TNFRSF1B: variants seen among roughly 807,000 people sequenced by gnomAD.
TNFRSF1B encodes tumor necrosis factor receptor superfamily member 1B.
A neutral mutation model predicts 44.6 loss-of-function variants in TNFRSF1B; 19 were observed. The ratio of observed to expected loss-of-function variants is 0.43; its 90% CI spans 0.30 to 0.62. The LOEUF is 0.62. Among genes scored for constraint, TNFRSF1B ranks in the 20% least tolerant of loss-of-function variants. The probability of loss-of-function intolerance (pLI) is 0.16; values close to 1 mark genes in which losing one functional copy is unlikely to be tolerated. For synonymous variants in TNFRSF1B, 252 were observed against 261.1 expected, an observed-to-expected ratio of 0.97 and a Z score of 0.34; for missense variants, 541 against 619.9, an observed-to-expected ratio of 0.87 and a Z score of 1.35.
chr1:12,207,086 G>A lies in TNFRSF1B; in HGVS notation c.*66G>A, dbSNP rs938086908. The A allele has an allele frequency of 1.5e-5, 22 of 1,496,204 alleles. No individual in the cohort carries two copies. Among genetic ancestry groups the A allele is most frequent in the Non-Finnish European group, 1.7e-5 (19 of 1,119,336 alleles). 92.7% of individuals were successfully genotyped at this position (1,496,204 alleles called of 1,614,324 possible). ...GCCCTGGCAGGATGACCCTGCGAAG[G>A]GGCCCTGGTCCTTCCAGGCCCCCAC... is the stretch of plus-strand genomic sequence containing the variant. On this transcript the variant is annotated 3_prime_UTR_variant, in exon 10 of 10. Transcript: ENST00000376259.
rs5745984 is a variant in TNFRSF1B, at chr1:12,180,358, C to T, written c.79-8438C>T. ...GAAGAGCAGAGGGCACCACAGATGCCGTGCTTTCAGCTTTTTCCTTCTCCT... is the reference window on the plus strand; with the variant it reads ...GAAGAGCAGAGGGCACCACAGATGCTGTGCTTTCAGCTTTTTCCTTCTCCT... On this transcript the variant is annotated intron_variant, in intron 1 of 9. Transcript: ENST00000376259. The surrounding 1 kb of genome is among the most constrained non-coding windows in gnomAD (Gnocchi z 4.3). Among the ~76,000 whole-genome samples the T allele has an allele frequency of 4.6e-5, 7 of 152,212 alleles. No individual in the cohort carries two copies. Among genetic ancestry groups the T allele is most frequent in the East Asian group, 1.9e-4 (1 of 5,196 alleles).
intron 1 of TNFRSF1B, among the ~76,000 whole-genome samples, chr1:12,183,740 TCTA>T (rs1557629202): frequency 0.035 from 4,503 of 130,132 alleles, 169 homozygotes; most frequent in Non-Finnish European, 0.051. Flanking sequence ...TATCTATCTA[TCTA>T]TCTATCTAGC....
In TNFRSF1B at chr1:12,199,879, G is replaced by A. The variant is rs1200425001; in HGVS notation, c.901-2088G>A. Reference sequence around the variant, plus strand: ...AGGGCAGCTGTTGGGAATGTGGCCTGTGCCATCTCCTTTTTTGCTGGGATC... The same window carrying A: ...AGGGCAGCTGTTGGGAATGTGGCCTATGCCATCTCCTTTTTTGCTGGGATC... On this transcript the variant is annotated intron_variant, in intron 8 of 9. Coordinates refer to ENST00000376259, the MANE Select transcript of TNFRSF1B (RefSeq NM_001066.3). The surrounding 1 kb of genome is among the most constrained non-coding windows in gnomAD (Gnocchi z 4.0). Among the ~76,000 whole-genome samples the A allele has an allele frequency of 6.6e-6, 1 of 152,206 alleles. No homozygotes were observed. Among genetic ancestry groups the A allele is most frequent in the Non-Finnish European group, 1.5e-5 (1 of 68,040 alleles).
intron 1 of TNFRSF1B, among the ~76,000 whole-genome samples, chr1:12,174,122 TTTCTTCTTC>T (rs541359943): frequency 0.044 from 2,932 of 66,484 alleles, 120 homozygotes; most frequent in South Asian, 0.059. Context: ...TGAGACTCCA[TTTCTTCTTC>T]TTCTTCTTCT....
At chr1:12,183,088 C>T (rs1243518852) in intron 1 of TNFRSF1B, among the ~76,000 whole-genome samples, 1 of 152,246 alleles carries the variant, frequency 6.6e-6, no homozygotes, top group African/African-American at 2.4e-5. Context: ...CTAACACGCA[C>T]AGTTGCCCCT....
chr1:12,188,770 T>C (rs376609863), intron 1 of TNFRSF1B, 26 bp from the exon 2 acceptor site: 6 of 1,609,086 alleles, frequency 3.7e-6, no homozygotes, highest in Non-Finnish European at 5.1e-6. Context: ...GCCCTGTTGA[T>C]GGCAGTCTTC....
rs1360945408 is a variant in TNFRSF1B, at chr1:12,207,639, G to C, written c.*619G>C. 1.2e-4 allele frequency: 19 copies of C among 152,978 alleles called. No individual in the cohort carries two copies. Among genetic ancestry groups the C allele is most frequent in the Admixed American group, 1.2e-3 (19 of 15,306 alleles). The allele number at this position is 152,978 out of a possible 1,614,324, so 9.5% of individuals were successfully genotyped here. A position where few individuals can be genotyped will look rare whatever the true frequency, so the allele number is the denominator to read the frequency against. On this transcript the variant is annotated 3_prime_UTR_variant, in exon 10 of 10. Transcript: ENST00000376259. ...AAAGCATCACCTCAGGCCAGGTGCA[G>C]TGGCTCACGCCTATGATCCCAGCAC...
chr1:12,167,819 G>A (rs1158356706), intron 1 of TNFRSF1B, among the ~76,000 whole-genome samples: 1 of 152,182 alleles, frequency 6.6e-6, no homozygotes. Context: ...CAGGGCAAGC[G>A]AGGGAGGTCT....
intron 3 of TNFRSF1B, 29 bp from the exon 4 acceptor site, chr1:12,191,745 G>T: frequency 6.2e-7 from 1 of 1,611,930 alleles, no homozygotes; most frequent in Non-Finnish European, 8.5e-7. Context: ...AGGCAGGCGT[G>T]ACCGTTTGCC....
At chr1:12,190,440 C>T (rs1277430528) in intron 2 of TNFRSF1B, among the ~76,000 whole-genome samples, 4 of 120,256 alleles carry the variant, frequency 3.3e-5, no homozygotes, top group Non-Finnish European at 4.9e-5. Flanking sequence ...GCCTGGGCCA[C>T]AGAGTGAGAT....
chr1:12,179,068 G>T (rs1638729846), intron 1 of TNFRSF1B, among the ~76,000 whole-genome samples: 1 of 152,064 alleles, frequency 6.6e-6, no homozygotes, highest in African/African-American at 2.4e-5. Context: ...TTAGACTCAG[G>T]GTTCCTTGCA....
chr1:12,205,872 C>T (rs1051448108), intron 9 of TNFRSF1B, among the ~76,000 whole-genome samples: 1 of 152,090 alleles, frequency 6.6e-6, no homozygotes, highest in Admixed American at 6.5e-5. Flanking sequence ...AGGCGATCCA[C>T]CTGCCTTGGC....
chr1:12,178,723 C>T lies in TNFRSF1B; in HGVS notation c.79-10073C>T, dbSNP rs185826303. Among the ~76,000 whole-genome samples, 139 of 152,162 alleles carry T rather than the reference C, an allele frequency of 9.1e-4. No homozygotes were observed. The highest frequency in any genetic ancestry group is 3.2e-3 in the African/African-American group (131 of 41,518). ...CGTTTGGGCAGAGGCAGCAGCAGTA[C>T]GGGCATGGAGAAGGGGGCGGAGGAG... On this transcript the variant is annotated intron_variant, in intron 1 of 9. Coordinates refer to ENST00000376259, the MANE Select transcript of TNFRSF1B (RefSeq NM_001066.3). This position sits in a 1 kb window ranked among gnomAD's most constrained non-coding sequence, Gnocchi z 4.3.
chr1:12,170,876 A>G (rs2101075028), intron 1 of TNFRSF1B, among the ~76,000 whole-genome samples: 1 of 149,734 alleles, frequency 6.7e-6, no homozygotes, highest in East Asian at 2.0e-4. Flanking sequence ...GGGTTTCACC[A>G]TATTGCCCAG....
intron 1 of TNFRSF1B, 140 bp downstream of exon 1, chr1:12,167,309 C>G (rs926089480): frequency 7.9e-5 from 47 of 593,846 alleles, no homozygotes; most frequent in Admixed American, 1.4e-4. Flanking sequence ...CGCCGCCCCC[C>G]ATCCGCATCA....
chr1:12,195,147 C>T (rs1421036940), intron 8 of TNFRSF1B, among the ~76,000 whole-genome samples: 1 of 152,156 alleles, frequency 6.6e-6, no homozygotes, highest in African/African-American at 2.4e-5. Context: ...GGGGCTGGGC[C>T]CTGGGTCCTC....
rs1432145946 is a variant in TNFRSF1B, at chr1:12,192,853, C to T, written c.552-10C>T. ...CTGCTGCCTCCTGACCAAGCCTCCT[C>T]CTCCTCCAGCTGTAACGTGGTGGCC... On this transcript the variant is annotated splice_polypyrimidine_tract_variant and intron_variant, in intron 5 of 9. Transcript: ENST00000376259. The T allele has an allele frequency of 1.2e-6, 2 of 1,610,110 alleles. No homozygotes were observed. The highest frequency in any genetic ancestry group is 1.7e-5 in the Admixed American group (1 of 59,846).
intron 3 of TNFRSF1B, 81 bp from the exon 4 acceptor site, chr1:12,191,693 G>A: frequency 6.3e-7 from 1 of 1,579,002 alleles, no homozygotes; most frequent in Non-Finnish European, 8.6e-7. Context: ...TCCGCTGTCT[G>A]AGAGTGCTGG....
At chr1:12,167,529 G>A (rs1638421609) in intron 1 of TNFRSF1B, 2 of 403,894 alleles carry the variant, frequency 5.0e-6, no homozygotes, top group Non-Finnish European at 9.5e-6. Context: ...CCCTCACCCC[G>A]GCGACTGCCG....
Sources: allele counts gnomAD v4.1 joint callset (sites outside exome capture counted in the v4.1 genomes callset), GRCh38; gene constraint gnomAD v4.1.1; non-coding constraint Gnocchi (gnomAD v3.1); transcripts MANE v1.5; gene names NCBI Gene and HGNC (gene_info 2026-07-23, HGNC 2026-07-21).